Variants in GGT1 observed in about 807,000 individuals in gnomAD.
The protein encoded by GGT1 is glutathione hydrolase 1 proenzyme.
A neutral mutation model predicts 56.0 loss-of-function variants in GGT1; 21 were observed. That is an observed-to-expected ratio of 0.38 (90% CI 0.27 to 0.54). The LOEUF is 0.54. GGT1 is among the 20% of genes least tolerant of loss of function. The pLI, the probability that GGT1 is intolerant of heterozygous loss-of-function variation, is 0.82. For missense variants in GGT1, 466 were observed against 787.0 expected (o/e 0.59, Z 4.88); for synonymous variants, 238 against 342.6 (o/e 0.69, Z 3.37).
At chr22:24,592,918 G>A, upstream of GGT1, 2 of 1,271,854 alleles carry the variant, frequency 1.6e-6, no homozygotes, top group Non-Finnish European at 2.0e-6. Flanking sequence ...CTCGCGGAGC[G>A]TGGACTGGAT....
intron 11 of GGT1, among the ~76,000 whole-genome samples, chr22:24,626,227 C>T (rs1231889148): frequency 2.0e-5 from 3 of 148,878 alleles, no homozygotes; most frequent in Admixed American, 1.3e-4. Context: ...CTCCTGACGT[C>T]GTGATCCGCC....
At position 24,627,615 on chromosome 22, in the gene GGT1, C is replaced by A. The variant is rs1214172160; in HGVS notation, c.1204C>A (p.Leu402Ile). The A allele has an allele frequency of 1.9e-6, 3 of 1,602,092 alleles. No individual in the cohort carries two copies. Among genetic ancestry groups the A allele is most frequent in the Non-Finnish European group, 2.6e-6 (3 of 1,175,542 alleles). Reference protein sequence around the residue: ...SAVSATSTINLYFGSKVRSPV... With the variant: ...SAVSATSTINIYFGSKVRSPV... ...TGTGTCCGCCACCAGCACCATCAAC[C>A]TCTAGTAGGGGCTGCTGGGCCGCCT... The change falls in exon 12 of 16, where the codon CTC (leucine) becomes ATC (isoleucine). Residue 402 changes from leucine (L) to isoleucine (I), a missense_variant. Physicochemically the swap from Leu to Ile is conservative, Grantham distance 5. Around this residue, in one of 2 missense-constraint regions of GGT1, gnomAD observed 456 missense variants for 716.7 expected, o/e 0.64. Transcript: ENST00000400382.
chr22:24,600,715 C>T (rs1569044637), upstream of GGT1, among the ~76,000 whole-genome samples: 1 of 152,220 alleles, frequency 6.6e-6, no homozygotes, highest in Non-Finnish European at 1.5e-5. Context: ...AAGTCTTCCT[C>T]CCATTCCTTC....
chr22:24,627,566 T>C lies in GGT1; in HGVS notation c.1155T>C (p.Ser385=). ...TPDDGGTAHL[S]VVAEDGSAVS... is the part of the protein sequence containing the mutation. ...ATGACGGGGGCACTGCTCACCTGTC[T>C]GTCGTCGCAGAGGACGGCAGTGCTG... The change falls in exon 12 of 16, where the codon TCT becomes TCC. Residue 385 remains serine, a synonymous_variant. Coordinates refer to ENST00000400382, the MANE Select transcript of GGT1 (RefSeq NM_001288833.2). 6.2e-7 allele frequency: 1 copy of C among 1,611,554 alleles called. No homozygotes were observed. The highest frequency in any genetic ancestry group is 8.5e-7 in the Non-Finnish European group (1 of 1,179,724).
intron 1 of GGT1, among the ~76,000 whole-genome samples, chr22:24,595,138 G>A (rs1601606283): frequency 1.3e-5 from 2 of 152,282 alleles, no homozygotes; most frequent in South Asian, 4.1e-4. Flanking sequence ...GCAGAGAACT[G>A]CCCCAGCCCC....
At chr22:24,612,827 G>A (rs889294892) in intron 5 of GGT1, among the ~76,000 whole-genome samples, 3 of 152,010 alleles carry the variant, frequency 2.0e-5, no homozygotes, top group Middle Eastern at 3.4e-3. Flanking sequence ...ATGCCCGGCC[G>A]GGCTTATTCT....
rs1431141457 is a variant in GGT1, at chr22:24,614,823, C to T, written c.212C>T (p.Ala71Val). 1 of 1,613,274 alleles carries T rather than the reference C, an allele frequency of 6.2e-7. No individual in the cohort carries two copies. Among genetic ancestry groups the T allele is most frequent in the Non-Finnish European group, 8.5e-7 (1 of 1,179,530 alleles). ...TCTGCGGTGGATGCAGCCATTGCAG[C>T]CCTGTTGTGTGTGGGGCTCATGAAT... ...GGSAVDAAIAALLCVGLMNAH... is the reference protein window; with the variant it reads ...GGSAVDAAIAVLLCVGLMNAH... Residue 71 changes from alanine to valine, a missense_variant, in exon 6 of 16, where the codon GCC becomes GTC. Ala to Val is a moderately conservative substitution (Grantham distance 64). Transcript: ENST00000400382.
chr22:24,589,748 C>A, the GGT1 span: 5 of 1,490,032 alleles, frequency 3.4e-6, no homozygotes, highest in Non-Finnish European at 4.5e-6. Flanking sequence ...CCTCCCAGTC[C>A]CCAGCCCTGG....
At chr22:24,601,214 C>T (rs2045776087), upstream of GGT1, among the ~76,000 whole-genome samples, 1 of 152,312 alleles carries the variant, frequency 6.6e-6, no homozygotes, top group Admixed American at 6.5e-5. Context: ...TGGACCGATC[C>T]GCATTGTTCG....
At chr22:24,591,173 G>A (rs937093462), upstream of GGT1, among the ~76,000 whole-genome samples, 6 of 152,354 alleles carry the variant, frequency 3.9e-5, no homozygotes, top group Non-Finnish European at 8.8e-5. Context: ...TCCGCCTCCC[G>A]GGTTCAAGCA....
rs574639855 is a variant in GGT1 at position 24,610,277 on chromosome 22, T to C, written c.-262T>C. On this transcript the variant is annotated 5_prime_UTR_variant, in exon 4 of 16. Transcript: ENST00000400382. The stretch of plus-strand genomic sequence containing the variant: ...TTCAACTGGAGACAGAGAAACCAGC[T>C]AGAGGCAGAGGGAGGTAACACGGAG... The C allele has an allele frequency of 1.5e-3, 460 of 301,130 alleles. 1 individual carries two copies. The highest frequency in any genetic ancestry group is 6.5e-3 in the Middle Eastern group (5 of 772). The allele number at this position is 301,130 out of a possible 1,614,324, so 18.7% of individuals were successfully genotyped here. A position where few individuals can be genotyped will look rare whatever the true frequency, so the allele number is the denominator to read the frequency against.
At chr22:24,594,074 G>A (rs1214405866), upstream of GGT1, among the ~76,000 whole-genome samples, 1 of 152,240 alleles carries the variant, frequency 6.6e-6, no homozygotes, top group Non-Finnish European at 1.5e-5. Context: ...GGCAGAGTGA[G>A]ATGGGGGCCC....
chr22:24,611,531 CTATCTATCTATCATCT>C (rs1431586726), intron 5 of GGT1, among the ~76,000 whole-genome samples: 2 of 129,336 alleles, frequency 1.5e-5, no homozygotes, highest in Admixed American at 8.0e-5. Context: ...ATCTATCTAT[CTATCTATCTATCATCT>C]ATCTATCTAT....
At chr22:24,625,577 T>A (rs2047699987) in intron 11 of GGT1, among the ~76,000 whole-genome samples, 2 of 152,018 alleles carry the variant, frequency 1.3e-5, no homozygotes, top group African/African-American at 4.8e-5. Flanking sequence ...AGTCTCGCTC[T>A]GTTGCCCAGG....
At chr22:24,616,461 T>C (rs1261353513) in intron 7 of GGT1, among the ~76,000 whole-genome samples, 1 of 150,964 alleles carries the variant, frequency 6.6e-6, no homozygotes, top group Non-Finnish European at 1.5e-5. Context: ...ACACTCACCA[T>C]AGCAGGTCTT....
chr22:24,623,304 C>T, intron 10 of GGT1, 48 bp downstream of exon 10: 2 of 1,450,388 alleles, frequency 1.4e-6, no homozygotes, highest in South Asian at 2.4e-5. Flanking sequence ...GACACTGCCT[C>T]TCTCTCCCCA....
At chr22:24,608,373 C>G (rs981157188) in intron 2 of GGT1, among the ~76,000 whole-genome samples, 20 of 152,236 alleles carry the variant, frequency 1.3e-4, no homozygotes, top group African/African-American at 4.8e-4. Flanking sequence ...TGGGTGTCCC[C>G]TGCTCCTCCA....
intron 5 of GGT1, among the ~76,000 whole-genome samples, chr22:24,613,524 C>A (rs2046849086): frequency 6.7e-6 from 1 of 148,732 alleles, no homozygotes; most frequent in Admixed American, 6.7e-5. Context: ...TTGAGGCGGG[C>A]AGACCACCCG....
chr22:24,593,992 G>A (rs529452498), upstream of GGT1, among the ~76,000 whole-genome samples: 1 of 152,356 alleles, frequency 6.6e-6, no homozygotes, highest in East Asian at 1.9e-4. Flanking sequence ...CTCTGGGCAA[G>A]CTGGCAGCAG....
Sources: allele counts gnomAD v4.1 joint callset (sites outside exome capture counted in the v4.1 genomes callset), GRCh38; gene constraint gnomAD v4.1.1; regional missense constraint gnomAD v4.1.1; transcripts MANE v1.5; gene names NCBI Gene and HGNC (gene_info 2026-07-23, HGNC 2026-07-21).